The following HSF5 variants were observed in gnomAD, a reference collection of about 807,000 sequenced individuals.
The protein encoded by HSF5 is heat shock transcription factor 5, also known as heat shock factor protein 5.
Under a neutral mutation model 50.8 loss-of-function variants are expected in HSF5, and 5 were observed. The ratio of observed to expected loss-of-function variants is 0.10; its 90% CI spans 0.05 to 0.21. The LOEUF (loss-of-function observed/expected upper bound fraction) is 0.21. Ranked by LOEUF, HSF5 falls within the 10% of genes least tolerant of loss-of-function variation. The pLI, the probability that HSF5 is intolerant of heterozygous loss-of-function variation, is 1.00. For synonymous variants in HSF5, 307 were observed against 307.4 expected (o/e 1.00, Z 0.02); for missense variants, 564 against 762.6 (o/e 0.74, Z 3.07).
intron 5 of HSF5, among the ~76,000 whole-genome samples, chr17:58,434,346 C>T (rs902843276): frequency 1.3e-5 from 2 of 151,424 alleles, no homozygotes; most frequent in Non-Finnish European, 1.5e-5. Flanking sequence ...GGGAGGAAAT[C>T]GAGACCATCC....
At chr17:58,483,859 TAG>T (rs1975131902) in intron 1 of HSF5, among the ~76,000 whole-genome samples, 1 of 152,048 alleles carries the variant, frequency 6.6e-6, no homozygotes, top group Non-Finnish European at 1.5e-5. Context: ...GATTCTATTA[TAG>T]AGAGAGAAGT....
chr17:58,444,306 C>T (rs1974531773), intron 5 of HSF5, among the ~76,000 whole-genome samples: 1 of 152,192 alleles, frequency 6.6e-6, no homozygotes, highest in Non-Finnish European at 1.5e-5. Flanking sequence ...AGGACTCACA[C>T]TTCTTGATTT....
At position 58,488,297 on chromosome 17, in the gene HSF5, G is replaced by T; in HGVS notation, c.-23C>A. ...CATCGCCCCGCCGGGCCGGGGCCTCGCCCCCCGAGCCTAGCTCTCCCACAC... is the reference window on the plus strand; with the variant it reads ...CATCGCCCCGCCGGGCCGGGGCCTCTCCCCCCGAGCCTAGCTCTCCCACAC... On this transcript the variant is annotated 5_prime_UTR_variant, in exon 1 of 6. Transcript: ENST00000323777. The surrounding 1 kb of genome is among the most constrained non-coding windows in gnomAD (Gnocchi z 4.1). 6.9e-7 allele frequency: 1 copy of T among 1,449,812 alleles called. No homozygotes were observed. The highest frequency in any genetic ancestry group is 1.5e-5 in the South Asian group (1 of 68,778). 89.8% of individuals were successfully genotyped at this position (1,449,812 alleles called of 1,614,324 possible).
chr17:58,464,434 G>A lies in HSF5; in HGVS notation c.1021-1131C>T, dbSNP rs74654742. Among the ~76,000 whole-genome samples the A allele has an allele frequency of 6.5e-3, 987 of 152,214 alleles. 4 individuals are homozygous for A. The highest frequency in any genetic ancestry group is 0.011 in the Non-Finnish European group (738 of 68,004). On this transcript the variant is annotated intron_variant, in intron 3 of 5. Transcript: ENST00000323777. ...GCCAGGTTTCAAGCCTAGGTTTGCCGTATTCAAGAGCTCTTGCTCTTAAAC... is the reference window on the plus strand; with the variant it reads ...GCCAGGTTTCAAGCCTAGGTTTGCCATATTCAAGAGCTCTTGCTCTTAAAC...
At chr17:58,476,182 ATCT>A (rs1390447567) in intron 2 of HSF5, 12 of 960,258 alleles carry the variant, frequency 1.2e-5, no homozygotes, top group Middle Eastern at 3.5e-4. Flanking sequence ...CATCATCTTC[ATCT>A]TCTTCATCTT....
At chr17:58,434,424 C>G (rs2143736389) in intron 5 of HSF5, among the ~76,000 whole-genome samples, 1 of 152,026 alleles carries the variant, frequency 6.6e-6, no homozygotes, top group Non-Finnish European at 1.5e-5. Flanking sequence ...CAGCGCGTGC[C>G]TGTAATTCCA....
In HSF5 at chr17:58,488,253, G is replaced by A; in HGVS notation, c.22C>T (p.Pro8Ser). MEALLST[P>S]INPNNFPAKL... ...GCGGGGAAGTTGTTGGGGTTGATGG[G>A]GGTGGAGAGCAGCGCCTCCATCGCC... The change falls in exon 1 of 6, where the codon CCC becomes TCC. Residue 8 changes from proline to serine, a missense_variant. Coordinates refer to ENST00000323777, the MANE Select transcript of HSF5 (RefSeq NM_001080439.3). This position sits in a 1 kb window ranked among gnomAD's most constrained non-coding sequence, Gnocchi z 4.1. 2 of 1,498,232 alleles carry A rather than the reference G, an allele frequency of 1.3e-6. No homozygotes were observed. Among genetic ancestry groups the A allele is most frequent in the Non-Finnish European group, 1.8e-6 (2 of 1,137,076 alleles). The allele number at this position is 1,498,232 out of a possible 1,614,324, so 92.8% of individuals were successfully genotyped here. A position where few individuals can be genotyped will look rare whatever the true frequency, so the allele number is the denominator to read the frequency against.
chr17:58,484,169 A>G (rs1395250612), intron 1 of HSF5, among the ~76,000 whole-genome samples: 1 of 151,964 alleles, frequency 6.6e-6, no homozygotes, highest in African/African-American at 2.4e-5. Context: ...CACACCTGAC[A>G]TACCTTCTGC....
Position 58,479,873 on chromosome 17 carries a change from T to C in HSF5, c.925+20A>G, listed in dbSNP as rs769451385. The C allele has an allele frequency of 1.3e-6, 2 of 1,591,306 alleles. No individual in the cohort carries two copies. The highest frequency in any genetic ancestry group is 2.7e-5 in the African/African-American group (2 of 74,046). ...ATAAACAACCTTAAATAGAAGGCCA[T>C]GAACCTGAATTTGTCATACCTGTTG... On this transcript the variant is annotated intron_variant, in intron 2 of 5. Transcript: ENST00000323777.
chr17:58,454,855 C>T (rs1021233608), intron 5 of HSF5, among the ~76,000 whole-genome samples: 4 of 152,074 alleles, frequency 2.6e-5, no homozygotes, highest in African/African-American at 7.2e-5. Context: ...GGAAGGATAT[C>T]GCATGTGCAT....
chr17:58,487,511 T>C (rs1481873290), intron 1 of HSF5, among the ~76,000 whole-genome samples: 2 of 152,174 alleles, frequency 1.3e-5, no homozygotes, highest in Non-Finnish European at 2.9e-5. Context: ...TTACGGACCC[T>C]CCAGGGGAGG....
At chr17:58,461,212 TCACAAC>T (rs1310090518) in intron 4 of HSF5, among the ~76,000 whole-genome samples, 3 of 81,700 alleles carry the variant, frequency 3.7e-5, no homozygotes, top group Non-Finnish European at 6.8e-5. Flanking sequence ...AGATTCCATC[TCACAAC>T]AACAACAACA....
chr17:58,476,275 A>G (rs1176170848), intron 2 of HSF5: 2 of 967,344 alleles, frequency 2.1e-6, no homozygotes, highest in African/African-American at 1.7e-5. Context: ...TTCATCATCC[A>G]TATCAGGAAC....
intron 5 of HSF5, among the ~76,000 whole-genome samples, chr17:58,445,152 T>C (rs1396441170): frequency 6.6e-6 from 1 of 152,144 alleles, no homozygotes; most frequent in Non-Finnish European, 1.5e-5. Flanking sequence ...TATTTTGCAA[T>C]GTTGGTGGGA....
Position 58,463,207 on chromosome 17 carries a change from C to T in HSF5, c.1117G>A (p.Glu373Lys), listed in dbSNP as rs1567913918. Residue 373 changes from glutamate to lysine, a missense_variant, in exon 4 of 6, where the codon GAG (glutamate) becomes AAG (lysine). Coordinates refer to ENST00000323777, the MANE Select transcript of HSF5 (RefSeq NM_001080439.3). ...DENTKTEVNLEAVFQIVDELH... is the reference protein window; with the variant it reads ...DENTKTEVNLKAVFQIVDELH... The stretch of plus-strand genomic sequence containing the variant: ...TCATCAACTATCTGAAAGACAGCCT[C>T]TAGGTTTACTTCTGTCTTTGTATTT... The T allele has an allele frequency of 6.2e-7, 1 of 1,614,098 alleles. No homozygotes were observed. Among genetic ancestry groups the T allele is most frequent in the Non-Finnish European group, 8.5e-7 (1 of 1,179,986 alleles).
chr17:58,444,873 A>G (rs1181882189), intron 5 of HSF5, among the ~76,000 whole-genome samples: 1 of 152,238 alleles, frequency 6.6e-6, no homozygotes, highest in Non-Finnish European at 1.5e-5. Flanking sequence ...AAAAACTCCT[A>G]CAACTGAACA....
chr17:58,437,893 G>A (rs1415579855), intron 5 of HSF5, among the ~76,000 whole-genome samples: 1 of 151,882 alleles, frequency 6.6e-6, no homozygotes, highest in African/African-American at 2.4e-5. Context: ...AGTACCTTTG[G>A]GAATATACAC....
intron 5 of HSF5, among the ~76,000 whole-genome samples, chr17:58,427,256 T>C (rs561611616): frequency 7.9e-5 from 12 of 152,082 alleles, no homozygotes; most frequent in Admixed American, 3.3e-4. Context: ...AGAGACACTA[T>C]CTCAAAATAA....
intron 5 of HSF5, among the ~76,000 whole-genome samples, chr17:58,429,436 A>G (rs2143728283): frequency 6.6e-6 from 1 of 152,330 alleles, no homozygotes; most frequent in East Asian, 1.9e-4. Context: ...CAGGAGGCTG[A>G]GGCAGGAGGA....
Sources: allele counts gnomAD v4.1 joint callset (sites outside exome capture counted in the v4.1 genomes callset), GRCh38; gene constraint gnomAD v4.1.1; non-coding constraint Gnocchi (gnomAD v3.1); transcripts MANE v1.5; gene names NCBI Gene and HGNC (gene_info 2026-07-23, HGNC 2026-07-21).